Variants in CDH18 observed in about 807,000 individuals in gnomAD.
The protein encoded by CDH18 is cadherin-18.
CDH18 carries 31 observed loss-of-function variants against 67.9 expected under a neutral mutation model. The observed-to-expected ratio is 0.46, with a 90% CI of 0.34 to 0.62. The LOEUF (loss-of-function observed/expected upper bound fraction) is 0.62, where lower values mean the gene tolerates loss of function less well. Ranked by LOEUF, CDH18 falls within the 20% of genes least tolerant of loss-of-function variation. The probability of loss-of-function intolerance (pLI) is 0.01; values close to 1 mark genes in which losing one functional copy is unlikely to be tolerated. For synonymous variants in CDH18, 362 were observed against 347.2 expected, an observed-to-expected ratio of 1.04 and a Z score of -0.48; for missense variants, 890 against 975.5, an observed-to-expected ratio of 0.91 and a Z score of 1.17.
At chr5:19,545,652 C>T (rs1374115373) in intron 8 of CDH18, among the ~76,000 whole-genome samples, 1 of 152,176 alleles carries the variant, frequency 6.6e-6, no homozygotes, top group Non-Finnish European at 1.5e-5. Flanking sequence ...ACAGGTGACT[C>T]CATTTCCACA....
intron 10 of CDH18, among the ~76,000 whole-genome samples, chr5:19,514,759 T>C (rs1745690159): frequency 6.6e-6 from 1 of 152,256 alleles, no homozygotes; most frequent in Non-Finnish European, 1.5e-5. Context: ...CTTTGTCAGA[T>C]GAGTAGATTG....
chr5:19,566,341 G>T (rs1425626695), intron 8 of CDH18, among the ~76,000 whole-genome samples: 1 of 152,150 alleles, frequency 6.6e-6, no homozygotes, highest in Non-Finnish European at 1.5e-5. Context: ...TAAACATAGA[G>T]CTCCCTATGA....
Position 19,979,808 on chromosome 5 carries a change from T to A in CDH18, c.-257+1252A>T, listed in dbSNP as rs570509787. Reference sequence around the variant, plus strand: ...ATTTGTTTCTAATAGCAGATTCACATTGATGTAATAAAAGCCATCTATGAC... The same window carrying A: ...ATTTGTTTCTAATAGCAGATTCACAATGATGTAATAAAAGCCATCTATGAC... On this transcript the variant is annotated intron_variant, in intron 2 of 12. Transcript: ENST00000382275. Among the ~76,000 whole-genome samples the A allele has an allele frequency of 3.9e-5, 6 of 152,158 alleles. No homozygotes were observed. In the East Asian group the frequency reaches 1.2e-3, roughly 29 times the overall value.
intron 2 of CDH18, among the ~76,000 whole-genome samples, chr5:19,852,445 G>A (rs1581649416): frequency 6.6e-6 from 1 of 151,890 alleles, no homozygotes; most frequent in Non-Finnish European, 1.5e-5. Context: ...TTTGGGGAGG[G>A]CACCCAGACA....
At chr5:19,666,241 TTA>T (rs1757914183) in intron 5 of CDH18, among the ~76,000 whole-genome samples, 5 of 61,930 alleles carry the variant, frequency 8.1e-5, no homozygotes, top group African/African-American at 3.1e-4. Context: ...ATGATTTTTA[TTA>T]TTATTATTAT....
chr5:20,103,492 G>T (rs1378323026), intron 2 of CDH18, among the ~76,000 whole-genome samples: 1 of 151,196 alleles, frequency 6.6e-6, no homozygotes, highest in Non-Finnish European at 1.5e-5. Context: ...TTGGGAGACC[G>T]AGGCAGGGAG....
intron 2 of CDH18, among the ~76,000 whole-genome samples, chr5:20,055,905 T>C (rs1481110320): frequency 6.6e-6 from 1 of 152,010 alleles, no homozygotes; most frequent in Non-Finnish European, 1.5e-5. Flanking sequence ...TACTGCTGTC[T>C]GTGGAGAAAG....
At chr5:19,874,002 CA>C in intron 2 of CDH18, among the ~76,000 whole-genome samples, 1 of 152,236 alleles carries the variant, frequency 6.6e-6, no homozygotes, top group South Asian at 2.1e-4. Context: ...TCAGTTTCCA[CA>C]AAGAACATGT....
At chr5:20,561,179 T>C (rs1183346156) in intron 1 of CDH18, among the ~76,000 whole-genome samples, 3 of 152,082 alleles carry the variant, frequency 2.0e-5, no homozygotes, top group Admixed American at 6.6e-5. Flanking sequence ...TGCATAGCCA[T>C]AGTGGAAGAC....
intron 2 of CDH18, among the ~76,000 whole-genome samples, chr5:19,936,267 G>C (rs895292934): frequency 6.6e-6 from 1 of 150,978 alleles, no homozygotes; most frequent in Non-Finnish European, 1.5e-5. Flanking sequence ...TTTTGTTTTA[G>C]CTTAATTTTT....
chr5:19,895,162 T>A (rs1348738236), intron 2 of CDH18, among the ~76,000 whole-genome samples: 3 of 152,030 alleles, frequency 2.0e-5, no homozygotes, highest in Non-Finnish European at 4.4e-5. Context: ...CCAGCTGAAG[T>A]TTTTATTATA....
At chr5:20,278,138 T>A (rs1426744485) in intron 1 of CDH18, among the ~76,000 whole-genome samples, 2 of 152,056 alleles carry the variant, frequency 1.3e-5, no homozygotes, top group Non-Finnish European at 2.9e-5. Context: ...AAGAAAAATA[T>A]ACAACATTTA....
intron 2 of CDH18, among the ~76,000 whole-genome samples, chr5:20,214,597 C>A (rs1028021083): frequency 1.3e-5 from 2 of 151,968 alleles, no homozygotes; most frequent in Non-Finnish European, 2.9e-5. Flanking sequence ...AGGGAAAGGA[C>A]TCCCTAGTCA....
At chr5:19,999,140 T>A (rs75530763) in intron 2 of CDH18, among the ~76,000 whole-genome samples, 2,207 of 152,206 alleles carry the variant, frequency 0.015, 59 homozygotes, top group African/African-American at 0.05. Flanking sequence ...AAAGTCCCTG[T>A]AAACACAGGA....
At chr5:20,371,024 G>T (rs6865284) in intron 1 of CDH18, among the ~76,000 whole-genome samples, 2 of 145,304 alleles carry the variant, frequency 1.4e-5, no homozygotes, top group Admixed American at 1.3e-4. Flanking sequence ...GCGACAGGGC[G>T]AGACTCTGTC....
intron 2 of CDH18, among the ~76,000 whole-genome samples, chr5:20,047,367 G>A (rs562090353): frequency 9.2e-5 from 14 of 151,916 alleles, no homozygotes; most frequent in Middle Eastern, 3.4e-3. Flanking sequence ...TAATACATGC[G>A]AAATCATTTG....
At chr5:20,342,015 A>G (rs1415333839) in intron 1 of CDH18, among the ~76,000 whole-genome samples, 2 of 152,172 alleles carry the variant, frequency 1.3e-5, no homozygotes, top group Non-Finnish European at 2.9e-5. Context: ...TCGCTTCAGA[A>G]GCAGATTCTG....
chr5:19,687,998 C>T lies in CDH18; in HGVS notation c.643+33349G>A, dbSNP rs544875402. On this transcript the variant is annotated intron_variant, in intron 5 of 12. Transcript: ENST00000382275. ...GCCCAAGGGCCTGGGAATCACCGTG[C>T]CCCATCCACCACTGCTGGCACCTGT... Among the ~76,000 whole-genome samples the T allele has an allele frequency of 2.0e-5, 3 of 152,268 alleles. No individual in the cohort carries two copies. The East Asian group carries it at 5.8e-4, about 30-fold the overall frequency.
At chr5:19,994,339 A>G (rs982553326) in intron 2 of CDH18, among the ~76,000 whole-genome samples, 2 of 150,958 alleles carry the variant, frequency 1.3e-5, no homozygotes, top group Admixed American at 1.3e-4. Flanking sequence ...ATATTTATAC[A>G]CCTCTCTATC....
Sources: gnomAD v4.1 joint callset for allele counts (sites outside exome capture counted in the v4.1 genomes callset) on GRCh38, gnomAD v4.1.1 for gene constraint, MANE v1.5 for transcripts, NCBI Gene and HGNC (gene_info 2026-07-23, HGNC 2026-07-21) for gene names.